Variants in TNK2 observed in about 807,000 individuals in gnomAD.
TNK2 encodes the protein activated CDC42 kinase 1.
Under a neutral mutation model 101.8 loss-of-function variants are expected in TNK2, and 83 were observed. The ratio of observed to expected loss-of-function variants is 0.82; its 90% confidence interval spans 0.68 to 0.98. TNK2 has a LOEUF of 0.98. Among genes scored for constraint, TNK2 ranks in the 50% least tolerant of loss-of-function variants. The probability of loss-of-function intolerance (pLI) is 0.00; values close to 1 mark genes in which losing one functional copy is unlikely to be tolerated. For missense variants in TNK2, 1,665 were observed against 1,483.2 expected (o/e 1.12, Z -2.01); for synonymous variants, 804 against 633.0 (o/e 1.27, Z -4.06).
chr3:195,879,050 T>C lies in TNK2; in HGVS notation c.1013A>G (p.Gln338Arg). The stretch of plus-strand genomic sequence containing the variant: ...GGGGGCCCGTCTCCCAGCCCTCACC[T>C]GACTGCCGTTGAGGCCGATCCAGGG... The part of the protein sequence containing the change: ...QEPWIGLNGS[Q>R]ILHKIDKEGE... The change falls in exon 7 of 16, where the codon CAG becomes CGG. Residue 338 changes from glutamine to arginine, a missense_variant and splice_region_variant. This residue lies in a region of TNK2 where 490 missense variants were observed against 522.5 expected (regional missense o/e 0.94). Transcript: ENST00000672887. 3 of 1,613,376 alleles carry C rather than the reference T, an allele frequency of 1.9e-6. No individual in the cohort carries two copies. The highest frequency in any genetic ancestry group is 2.2e-5 in the South Asian group (2 of 91,080).
At position 195,864,162 on chromosome 3, in the gene TNK2, C is replaced by G. The variant is rs1271218673; in HGVS notation, c.*19G>C. 2 of 1,613,876 alleles carry G rather than the reference C, an allele frequency of 1.2e-6. No individual in the cohort carries two copies. The highest frequency in any genetic ancestry group is 1.3e-5 in the African/African-American group (1 of 74,928). ...CAGGTGATTCCTTCAGGCAGGCCCT[C>G]TGGCTCTCCAGACGCATCTCAGCGC... is the stretch of plus-strand genomic sequence containing the variant. On this transcript the variant is annotated 3_prime_UTR_variant, in exon 16 of 16. Coordinates refer to ENST00000672887, the MANE Select transcript of TNK2 (RefSeq NM_001382273.1).
chr3:195,867,033 C>A lies in TNK2; in HGVS notation c.3034-17G>T, dbSNP rs200111079. ...CTGCTCCACCTGGGGGTAAGGGTGGCGCCATGGACACGCGGGCCCAGGGCA... is the reference window on the plus strand; with the variant it reads ...CTGCTCCACCTGGGGGTAAGGGTGGAGCCATGGACACGCGGGCCCAGGGCA... On this transcript the variant is annotated splice_polypyrimidine_tract_variant and intron_variant, in intron 14 of 15. Coordinates refer to ENST00000672887, the MANE Select transcript of TNK2 (RefSeq NM_001382273.1). 6.8e-6 allele frequency: 11 copies of A among 1,612,402 alleles called. No individual in the cohort carries two copies. The highest frequency in any genetic ancestry group is 9.3e-6 in the Non-Finnish European group (11 of 1,179,570).
chr3:195,904,283 T>C (rs11719529), intron 1 of TNK2, among the ~76,000 whole-genome samples: 1 of 135,356 alleles, frequency 7.4e-6, no homozygotes, highest in Non-Finnish European at 1.6e-5. Context: ...AAAAAAAAGG[T>C]GAAAGCAATC....
chr3:195,878,533 C>G lies in TNK2; in HGVS notation c.1074G>C (p.Gln358His). The G allele has an allele frequency of 6.2e-7, 1 of 1,613,804 alleles. No homozygotes were observed. Among genetic ancestry groups the G allele is most frequent in the Non-Finnish European group, 8.5e-7 (1 of 1,180,022 alleles). Residue 358 changes from glutamine (Q) to histidine (H), a missense_variant, in exon 8 of 16, where the codon CAG (glutamine) becomes CAC (histidine). Gln to His is a conservative substitution (Grantham distance 24, BLOSUM62 0). Coordinates refer to ENST00000672887, the MANE Select transcript of TNK2 (RefSeq NM_001382273.1). This position sits in a 1 kb window ranked among gnomAD's most constrained non-coding sequence, Gnocchi z 4.7. Reference protein sequence around the residue: ...ERLPRPEDCPQDIYNVMVQCW... With the variant: ...ERLPRPEDCPHDIYNVMVQCW... ...ACTGGACCATGACGTTGTAGATGTC[C>G]TGGGGACAGTCCTCGGGCCGGGGCA...
chr3:195,873,424 GGGGCGGT>G (rs1369268316), intron 9 of TNK2, among the ~76,000 whole-genome samples: 3 of 134,840 alleles, frequency 2.2e-5, no homozygotes, highest in Non-Finnish European at 4.9e-5. Flanking sequence ...TGGGCAGGCG[GGGGCGGT>G]GAGAGCCCCG....
At chr3:195,887,948 G>C (rs1351499754) in intron 2 of TNK2, among the ~76,000 whole-genome samples, 2 of 90,956 alleles carry the variant, frequency 2.2e-5, no homozygotes, top group Admixed American at 9.9e-5. Flanking sequence ...ATGTGCGTGT[G>C]TGCCTGCGTG....
chr3:195,872,436 G>A lies in TNK2; in HGVS notation c.1291C>T (p.Arg431Trp), dbSNP rs139128052. The change falls in exon 10 of 16, where the codon CGG (arginine) becomes TGG (tryptophan). Residue 431 changes from arginine (R) to tryptophan (W), a missense_variant. Arg to Trp is a moderately radical substitution (Grantham distance 101, BLOSUM62 -3). Around this residue, in one of 3 missense-constraint regions of TNK2, gnomAD observed 1,136 missense variants for 894.9 expected, o/e 1.27. Coordinates refer to ENST00000672887, the MANE Select transcript of TNK2 (RefSeq NM_001382273.1). ...GGGAAGGGCCCCACACACAGCGTCC[G>A]TGTGTTCTGGCCACGCCACCAGTAG... ...ENYWWRGQNT[R>W]TLCVGPFPRN... 2.4e-5 allele frequency: 39 copies of A among 1,609,574 alleles called. No homozygotes were observed. Among genetic ancestry groups the A allele is most frequent in the African/African-American group, 2.3e-4 (17 of 74,900 alleles).
At chr3:195,864,274 AAC>A in intron 15 of TNK2, 87 bp from the exon 16 acceptor site, 1 of 1,504,496 alleles carries the variant, frequency 6.6e-7, no homozygotes, top group Non-Finnish European at 9.2e-7. Context: ...GGTGCCAGGC[AAC>A]ACCACTGGAA....
At chr3:195,876,458 C>A (rs374230490) in intron 9 of TNK2, 2 of 456,842 alleles carry the variant, frequency 4.4e-6, no homozygotes, top group South Asian at 3.1e-5. Flanking sequence ...AGCCATCCGC[C>A]TGGAGACATG....
chr3:195,866,859 G>A (rs780002642), intron 15 of TNK2, 30 bp downstream of exon 15: 43 of 1,603,060 alleles, frequency 2.7e-5, no homozygotes, highest in Non-Finnish European at 3.1e-5. Context: ...CCTGGGGCAC[G>A]GAGCGGGGCA....
Position 195,867,546 on chromosome 3 carries a change from CGGG to C in TNK2, c.2749_2751del (p.Pro917del), listed in dbSNP as rs1741728761. The C allele has an allele frequency of 2.9e-5, 11 of 377,704 alleles. No individual in the cohort carries two copies. The East Asian group carries it at 3.1e-4, about 11-fold the overall frequency. The allele number at this position is 377,704 out of a possible 1,614,324, so 23.4% of individuals were successfully genotyped here. On this transcript the variant is annotated inframe_deletion, in exon 13 of 16. Coordinates refer to ENST00000672887, the MANE Select transcript of TNK2 (RefSeq NM_001382273.1). Reference sequence around the variant, plus strand: ...GGCCGCACGGTGGCCGTGGGGGCGGCGGGGGCTGGGGTGCTGGGTGGGGGCAGC... The same window carrying C: ...GGCCGCACGGTGGCCGTGGGGGCGGCGGCTGGGGTGCTGGGTGGGGGCAGC...
Position 195,888,478 on chromosome 3 carries a change from G to A in TNK2, c.111C>T (p.His37=). The A allele has an allele frequency of 6.2e-7, 1 of 1,614,104 alleles. No homozygotes were observed. The highest frequency in any genetic ancestry group is 1.1e-5 in the South Asian group (1 of 91,068). Residue 37 remains histidine, a synonymous_variant, in exon 2 of 16, where the codon CAC becomes CAT. Coordinates refer to ENST00000672887, the MANE Select transcript of TNK2 (RefSeq NM_001382273.1). The surrounding 1 kb of genome is among the most constrained non-coding windows in gnomAD (Gnocchi z 5.3). ...GGTCCTCATTCTTGACGTACTCAAA[G>A]TGGGACAGGCGGGTGACGTTGAGGT... The part of the protein sequence containing the change: ...RDDLNVTRLS[H]FEYVKNEDLE...
intron 4 of TNK2, chr3:195,883,512 C>T: frequency 1.8e-6 from 1 of 567,952 alleles, no homozygotes; most frequent in Non-Finnish European, 3.1e-6. Flanking sequence ...CCCTCAGGAG[C>T]CATCGTCGGC....
At chr3:195,868,801 C>T (rs866106929) in intron 12 of TNK2, 92 bp from the exon 13 acceptor site, 17 of 1,384,526 alleles carry the variant, frequency 1.2e-5, no homozygotes, top group Non-Finnish European at 1.5e-5. Flanking sequence ...AGCCAAGTGT[C>T]CCCCAGCAAC....
chr3:195,895,395 T>TG, intron 1 of TNK2: 5 of 1,536,442 alleles, frequency 3.3e-6, no homozygotes, highest in East Asian at 2.6e-5. Flanking sequence ...CCCTGCGTCC[T>TG]GGGGGGCCGG....
chr3:195,884,970 T>A lies in TNK2; in HGVS notation c.298A>T (p.Lys100Ter), dbSNP rs1212557763. The A allele has an allele frequency of 6.2e-7, 1 of 1,613,586 alleles. No individual in the cohort carries two copies. Among genetic ancestry groups the A allele is most frequent in the Non-Finnish European group, 8.5e-7 (1 of 1,179,814 alleles). ...GGGCCCCCAGGGGCGGGCGAGGTCT[T>A]CCGGAAGGTGCTCTGAGAGTGATGA... ...PPHHSQSTFR[K>*]TSPAPGGPAG... is the part of the protein sequence containing the mutation. Residue 100 changes from lysine to a stop codon, truncating the protein, a stop_gained, in exon 4 of 16, where the codon AAG (lysine) becomes TAG (stop). Coordinates refer to ENST00000672887, the MANE Select transcript of TNK2 (RefSeq NM_001382273.1). LOFTEE classifies it high-confidence loss of function.
In TNK2 at chr3:195,878,179, G is replaced by T; in HGVS notation, c.1256+74C>A. 2 of 1,502,670 alleles carry T rather than the reference G, an allele frequency of 1.3e-6. No individual in the cohort carries two copies. Among genetic ancestry groups the T allele is most frequent in the East Asian group, 2.3e-5 (1 of 44,288 alleles). The allele number at this position is 1,502,670 out of a possible 1,614,324, so 93.1% of individuals were successfully genotyped here. A position where few individuals can be genotyped will look rare whatever the true frequency, so the allele number is the denominator to read the frequency against. ...CCAAGGGAATCTTGGAGGCCAAACA[G>T]ATCTGTCCACAGGTCCCTCCGACCT... On this transcript the variant is annotated intron_variant, in intron 9 of 15. Coordinates refer to ENST00000672887, the MANE Select transcript of TNK2 (RefSeq NM_001382273.1). This position sits in a 1 kb window ranked among gnomAD's most constrained non-coding sequence, Gnocchi z 4.7.
In TNK2 at chr3:195,868,663, G is replaced by A. The variant is rs112740728; in HGVS notation, c.1635C>T (p.Ser545=). 1.5e-3 allele frequency: 2,399 copies of A among 1,593,238 alleles called. 32 individuals carry two copies. The African/African-American group carries it at 0.026, about 17-fold the overall frequency. The change falls in exon 13 of 16, where the codon AGC becomes AGT. Residue 545 remains serine (S), a synonymous_variant. Coordinates refer to ENST00000672887, the MANE Select transcript of TNK2 (RefSeq NM_001382273.1). The part of the protein sequence containing the change: ...PVSEDQDPLS[S]DFKRLGLRKP... ...TCCGCAGGCCCAGCCTCTTGAAGTC[G>A]CTGGACAAGGGGTCTTGGTCCTCGC...
intron 9 of TNK2, among the ~76,000 whole-genome samples, chr3:195,873,258 C>T (rs909584186): frequency 2.0e-5 from 3 of 152,190 alleles, no homozygotes; most frequent in Non-Finnish European, 4.4e-5. Context: ...TGGCCTAAGC[C>T]GGGGCCTGGG....
Sources: gnomAD v4.1 joint callset for allele counts (sites outside exome capture counted in the v4.1 genomes callset) on GRCh38, gnomAD v4.1.1 for gene constraint, gnomAD v4.1.1 regional missense constraint, Gnocchi (gnomAD v3.1) non-coding constraint, MANE v1.5 for transcripts, NCBI Gene and HGNC (gene_info 2026-07-23, HGNC 2026-07-21) for gene names.